The following RAD52 variants were observed in gnomAD, a reference collection of about 807,000 sequenced individuals.
RAD52 encodes the protein RAD52 DNA repair protein, also known as DNA repair protein RAD52 homolog.
In RAD52, 47 loss-of-function variants were observed where a neutral mutation model predicts 55.5. The ratio of observed to expected loss-of-function variants is 0.85; its 90% CI spans 0.67 to 1.08. RAD52 has a LOEUF of 1.08. Ranked by LOEUF, RAD52 falls within the 50% of genes least tolerant of loss-of-function variation. RAD52 has a pLI of 0.00. For missense variants in RAD52, 468 were observed against 522.8 expected (o/e 0.90, Z 1.02); for synonymous variants, 184 against 198.9 (o/e 0.92, Z 0.63).
rs563817290 is a variant in RAD52, at chr12:965,976, G to A, written c.-19+23833C>T. On this transcript the variant is annotated intron_variant, in intron 1 of 11. Coordinates refer to the RAD52 transcript ENST00000430095. ...TGGGATTACAGGCATGAACCACTGT[G>A]CCTGGCTGTTTGTTTTTTGAGTCAG... Among the ~76,000 whole-genome samples the A allele has an allele frequency of 1.2e-4, 18 of 151,982 alleles. 1 individual carries two copies. The South Asian group carries it at 1.5e-3, about 12-fold the overall frequency.
At position 929,893 on chromosome 12, in the gene RAD52, G is replaced by A; in HGVS notation, c.281-7C>T. 6.2e-7 allele frequency: 1 copy of A among 1,612,746 alleles called. No individual in the cohort carries two copies. The highest frequency in any genetic ancestry group is 1.3e-5 in the African/African-American group (1 of 75,000). On this transcript the variant is annotated splice_region_variant and splice_polypyrimidine_tract_variant and intron_variant, in intron 4 of 11. Coordinates refer to ENST00000358495, the MANE Select transcript of RAD52 (RefSeq NM_134424.4). The stretch of plus-strand genomic sequence containing the variant: ...TTGTTGAGGTCAACAAAATCTAGGA[G>A]TGGGAAAGAGAGCAAGTTGAAGAGG...
chr12:924,599 T>A (rs1956921520), intron 7 of RAD52, among the ~76,000 whole-genome samples: 1 of 152,046 alleles, frequency 6.6e-6, no homozygotes, highest in Non-Finnish European at 1.5e-5. Context: ...GGAGAGCAGA[T>A]GAGGCAGGAG....
intron 1 of RAD52, among the ~76,000 whole-genome samples, chr12:933,640 TA>T (rs1957456754): frequency 6.6e-6 from 1 of 152,118 alleles, no homozygotes; most frequent in African/African-American, 2.4e-5. Flanking sequence ...GCGGTGCTAT[TA>T]AAGGTGATTT....
In RAD52 at chr12:986,220, C is replaced by T. The variant is rs577780702; in HGVS notation, c.-19+3589G>A. On this transcript the variant is annotated intron_variant, in intron 1 of 11. Transcript: ENST00000430095. The stretch of plus-strand genomic sequence containing the variant: ...AAGTGCTGGGATTACAGGTGTGAGC[C>T]GCCGCACCTGGCCTTGTTTTTAAAA... Among the ~76,000 whole-genome samples the T allele has an allele frequency of 4.1e-5, 6 of 147,966 alleles. No homozygotes were observed. The East Asian group carries it at 6.0e-4, about 15-fold the overall frequency.
chr12:950,047 C>T (rs1307273565), upstream of RAD52, among the ~76,000 whole-genome samples: 1 of 152,190 alleles, frequency 6.6e-6, no homozygotes, highest in Admixed American at 6.5e-5. Context: ...TGCCCAGTGC[C>T]CATTAGGATG....
chr12:947,918 C>G (rs952526475), intron 1 of RAD52, among the ~76,000 whole-genome samples: 6 of 146,540 alleles, frequency 4.1e-5, no homozygotes, highest in Non-Finnish European at 7.5e-5. Context: ...AAAAAACTGC[C>G]CTAAACGATA....
chr12:916,866 C>T (rs1390301137), intron 7 of RAD52, 46 bp from the exon 8 acceptor site: 1 of 1,571,426 alleles, frequency 6.4e-7, no homozygotes, highest in South Asian at 1.2e-5. Context: ...GGCTCTTGCC[C>T]TCCGCTGCTT....
chr12:982,885 C>A (rs542332748), intron 1 of RAD52, among the ~76,000 whole-genome samples: 6 of 151,780 alleles, frequency 4.0e-5, no homozygotes, highest in African/African-American at 1.2e-4. Context: ...AGTCTCACTC[C>A]GTCAAGCAGG....
chr12:940,209 A>G (rs1957850094), intron 1 of RAD52, among the ~76,000 whole-genome samples: 1 of 152,190 alleles, frequency 6.6e-6, no homozygotes, highest in Admixed American at 6.5e-5. Context: ...GAGGAAGGGA[A>G]GGTCGGGTAG....
chr12:963,110 G>A (rs1241094754), intron 1 of RAD52, among the ~76,000 whole-genome samples: 1 of 152,066 alleles, frequency 6.6e-6, no homozygotes, highest in Non-Finnish European at 1.5e-5. Flanking sequence ...AAGTAGAAGA[G>A]TAATTTTTTT....
intron 1 of RAD52, among the ~76,000 whole-genome samples, chr12:955,205 A>T (rs1448330569): frequency 3.3e-5 from 5 of 152,244 alleles, no homozygotes; most frequent in Admixed American, 3.3e-4. Context: ...AGTATGGGTA[A>T]GATTTATATG....
chr12:970,253 AGGCTGCAGTAAGTTGAGATGGC>A (rs1351423511), intron 1 of RAD52, among the ~76,000 whole-genome samples: 1 of 138,362 alleles, frequency 7.2e-6, no homozygotes, highest in Non-Finnish European at 1.5e-5. Context: ...CAGGAGGTGA[AGGCTGCAGTAAGTTGAGATGGC>A]ACTACTGCAC....
intron 7 of RAD52, 152 bp downstream of exon 7, chr12:925,297 CT>C (rs879255981): frequency 1.1e-5 from 2 of 182,906 alleles, no homozygotes; most frequent in Non-Finnish European, 2.1e-5. Context: ...TTAGTTCCTG[CT>C]GTCTCTAACA....
intron 2 of RAD52, among the ~76,000 whole-genome samples, 152 bp downstream of exon 2, chr12:932,821 GTA>G (rs1565673060): frequency 1.5e-5 from 1 of 66,780 alleles, no homozygotes; most frequent in African/African-American, 3.9e-5. Context: ...GCTCACACAC[GTA>G]CTAGGTAAAC....
At chr12:920,246 C>T (rs1956645564) in intron 7 of RAD52, among the ~76,000 whole-genome samples, 1 of 105,338 alleles carries the variant, frequency 9.5e-6, no homozygotes, top group African/African-American at 4.0e-5. Context: ...TTATAGGAGA[C>T]GAGAGTATTA....
At chr12:950,138 C>T (rs539041967), upstream of RAD52, among the ~76,000 whole-genome samples, 43 of 152,336 alleles carry the variant, frequency 2.8e-4, no homozygotes, top group Non-Finnish European at 6.0e-4. Flanking sequence ...CCGCCCGGGC[C>T]GAGGCAGCGG....
intron 1 of RAD52, among the ~76,000 whole-genome samples, chr12:962,506 ATT>A (rs531777012): frequency 3.6e-5 from 5 of 138,752 alleles, no homozygotes; most frequent in Non-Finnish European, 4.7e-5. Flanking sequence ...CGCCTGGCTA[ATT>A]TTTTTTTTTT....
At chr12:923,278 C>T (rs966407531) in intron 7 of RAD52, among the ~76,000 whole-genome samples, 8 of 151,680 alleles carry the variant, frequency 5.3e-5, no homozygotes, top group Non-Finnish European at 1.0e-4. Flanking sequence ...CAGTGGCCCA[C>T]GCTGCAATCC....
chr12:964,410 A>G (rs940459988), intron 1 of RAD52, among the ~76,000 whole-genome samples: 2 of 152,258 alleles, frequency 1.3e-5, no homozygotes, highest in Non-Finnish European at 2.9e-5. Context: ...CCTACTAAAA[A>G]TACAAAAATT....
Sources: gnomAD v4.1 joint callset for allele counts (sites outside exome capture counted in the v4.1 genomes callset) on GRCh38, gnomAD v4.1.1 for gene constraint, MANE v1.5 for transcripts, NCBI Gene and HGNC (gene_info 2026-07-23, HGNC 2026-07-21) for gene names.